The following DOCK11 variants were observed in gnomAD, a reference collection of about 807,000 sequenced individuals.
DOCK11 encodes dedicator of cytokinesis protein 11.
Under a neutral mutation model 169.1 loss-of-function variants are expected in DOCK11, and 70 were observed. The observed-to-expected ratio is 0.41, with a 90% confidence interval of 0.34 to 0.51. DOCK11 has a LOEUF of 0.51. Ranked by LOEUF, DOCK11 falls within the 20% of genes least tolerant of loss-of-function variation. DOCK11 has a pLI of 0.10. For synonymous variants in DOCK11, 529 were observed against 541.3 expected (o/e 0.98, Z 0.32); for missense variants, 1,166 against 1,538.8 (o/e 0.76, Z 4.05).
At chrX:118,617,348 C>T (rs192634732) in intron 30 of DOCK11, among the ~76,000 whole-genome samples, 16 of 109,234 alleles carry the variant, frequency 1.5e-4, no homozygotes, top group Admixed American at 5.9e-4. Flanking sequence ...AAAAATTAGC[C>T]GGGCATGGTG....
chrX:118,636,474 C>A (rs1438985659), intron 36 of DOCK11, 62 bp downstream of exon 36: 29 of 597,831 alleles, frequency 4.9e-5, no homozygotes, highest in South Asian at 8.5e-5. Context: ...TCAACTGTTA[C>A]AATTTTTTCT....
intron 39 of DOCK11, among the ~76,000 whole-genome samples, chrX:118,642,887 A>G (rs2015566907): frequency 9.0e-6 from 1 of 111,548 alleles, no homozygotes; most frequent in Non-Finnish European, 1.9e-5. Flanking sequence ...GTATTTCTCT[A>G]CAATTTGTTG....
chrX:118,516,087 CT>C lies in DOCK11; in HGVS notation c.102+20019del, dbSNP rs1300617761. On this transcript the variant is annotated intron_variant, in intron 1 of 52. Transcript: ENST00000276202. ...CTTTCTTTCTTTTTTCTTTTCTTTT[CT>C]TTTTCTTTTTTTTTTTTTTTTTGTG... is the stretch of plus-strand genomic sequence containing the variant. Among the ~76,000 whole-genome samples, 367 of 63,657 alleles carry C rather than the reference CT, an allele frequency of 5.8e-3. 11 individuals are homozygous for C. Among genetic ancestry groups the C allele is most frequent in the African/African-American group, 0.025 (353 of 13,997 alleles). 55.3% of individuals were successfully genotyped at this position (63,657 alleles called of 115,157 possible). A position where few individuals can be genotyped will look rare whatever the true frequency, so the allele number is the denominator to read the frequency against.
At chrX:118,656,627 A>C (rs2016078814) in intron 44 of DOCK11, among the ~76,000 whole-genome samples, 2 of 112,279 alleles carry the variant, frequency 1.8e-5, no homozygotes, top group Non-Finnish European at 3.8e-5. Context: ...CGTGATTTCA[A>C]GTATGTCTTC....
At chrX:118,652,887 A>G (rs1170115087) in intron 42 of DOCK11, among the ~76,000 whole-genome samples, 3 of 112,344 alleles carry the variant, frequency 2.7e-5, no homozygotes, top group Non-Finnish European at 5.6e-5. Flanking sequence ...GTCACAGCAT[A>G]TTTGATGTTT....
At chrX:118,601,050 G>T (rs1465196120) in intron 23 of DOCK11, among the ~76,000 whole-genome samples, 4 of 111,531 alleles carry the variant, frequency 3.6e-5, no homozygotes, top group Non-Finnish European at 7.5e-5. Context: ...TTACCATATA[G>T]AAAACACACT....
At position 118,566,751 on chromosome X, in the gene DOCK11, C is replaced by T. The variant is rs892471439; in HGVS notation, c.951+98C>T. 15 of 764,156 alleles carry T rather than the reference C, an allele frequency of 2.0e-5. No homozygotes were observed. In the South Asian group the frequency reaches 2.3e-4, roughly 12 times the overall value. The allele number at this position is 764,156 out of a possible 1,213,427, so 63.0% of individuals were successfully genotyped here. On this transcript the variant is annotated intron_variant, in intron 9 of 52. Coordinates refer to ENST00000276202, the MANE Select transcript of DOCK11 (RefSeq NM_144658.4). ...ATTCCATTTGGCAATGTCATTTCCA[C>T]GTTAAAAACCACAGCAAATTGGTGA...
At chrX:118,551,311 T>C (rs893713045) in intron 6 of DOCK11, among the ~76,000 whole-genome samples, 5 of 112,435 alleles carry the variant, frequency 4.4e-5, no homozygotes, top group African/African-American at 1.6e-4. Context: ...CAGTTCCCTC[T>C]GGAATTGCTA....
intron 44 of DOCK11, among the ~76,000 whole-genome samples, chrX:118,661,124 G>A (rs1378519280): frequency 9.3e-6 from 1 of 107,805 alleles, no homozygotes; most frequent in Non-Finnish European, 1.9e-5. Context: ...CAGAAGGATG[G>A]CTTGAGTCCA....
At chrX:118,584,908 G>A in intron 15 of DOCK11, 51 bp downstream of exon 15, 1 of 1,164,355 alleles carries the variant, frequency 8.6e-7, no homozygotes, top group Non-Finnish European at 1.2e-6. Context: ...TGAATCCTCA[G>A]TTTTTTAAAA....
intron 6 of DOCK11, among the ~76,000 whole-genome samples, chrX:118,555,033 A>C (rs980411909): frequency 9.0e-6 from 1 of 111,665 alleles, no homozygotes; most frequent in Non-Finnish European, 1.9e-5. Flanking sequence ...TGTGTGCCTT[A>C]TGTGAGTAAT....
At chrX:118,538,876 T>A (rs1033248589) in intron 1 of DOCK11, among the ~76,000 whole-genome samples, 2 of 112,311 alleles carry the variant, frequency 1.8e-5, no homozygotes, top group South Asian at 7.3e-4. Flanking sequence ...GAAAGTTAGA[T>A]AAGGGATATG....
intron 45 of DOCK11, among the ~76,000 whole-genome samples, chrX:118,663,739 A>G (rs961178320): frequency 2.0e-5 from 2 of 98,506 alleles, no homozygotes; most frequent in African/African-American, 7.7e-5. Flanking sequence ...CAGTGGCGCA[A>G]TCTTGGTTCA....
At chrX:118,605,726 A>G (rs2014479990) in intron 24 of DOCK11, among the ~76,000 whole-genome samples, 1 of 111,754 alleles carries the variant, frequency 8.9e-6, no homozygotes, top group African/African-American at 3.3e-5. Flanking sequence ...CTATGTGCTC[A>G]TGAAAAGAAT....
intron 31 of DOCK11, among the ~76,000 whole-genome samples, chrX:118,623,718 A>G (rs777689451): frequency 8.8e-6 from 1 of 113,279 alleles, no homozygotes; most frequent in Non-Finnish European, 1.9e-5. Context: ...AAACAATAGT[A>G]AGAGACCAGT....
chrX:118,571,446 G>C (rs1324683837), intron 10 of DOCK11, among the ~76,000 whole-genome samples: 4 of 109,365 alleles, frequency 3.7e-5, no homozygotes, highest in African/African-American at 1.3e-4. Context: ...GAACTCTTGG[G>C]CTCAAGCCAT....
chrX:118,643,737 A>G, intron 40 of DOCK11, 143 bp downstream of exon 40: 2 of 646,892 alleles, frequency 3.1e-6, no homozygotes, highest in Non-Finnish European at 4.7e-6. Context: ...GAAATACAGA[A>G]CAACAAAGCA....
chrX:118,587,073 T>C (rs2013838389), intron 16 of DOCK11, among the ~76,000 whole-genome samples: 1 of 111,859 alleles, frequency 8.9e-6, no homozygotes, highest in South Asian at 3.7e-4. Flanking sequence ...TTCTTTGCAG[T>C]GTTATTTATA....
intron 1 of DOCK11, among the ~76,000 whole-genome samples, chrX:118,505,246 C>T (rs948227702): frequency 2.7e-5 from 3 of 111,919 alleles, no homozygotes; most frequent in South Asian, 3.7e-4. Flanking sequence ...AGGCTGGTCT[C>T]GAACTCCTGA....
Sources: gnomAD v4.1 joint callset for allele counts (sites outside exome capture counted in the v4.1 genomes callset) on GRCh38, gnomAD v4.1.1 for gene constraint, MANE v1.5 for transcripts, NCBI Gene and HGNC (gene_info 2026-07-23, HGNC 2026-07-21) for gene names.